ATP8A1: variants seen among roughly 807,000 people sequenced by gnomAD.
ATP8A1 encodes phospholipid-transporting ATPase IA.
A neutral mutation model predicts 177.7 loss-of-function variants in ATP8A1; 90 were observed. The ratio of observed to expected loss-of-function variants is 0.51; its 90% CI spans 0.43 to 0.60. The LOEUF is 0.60. Ranked by LOEUF, ATP8A1 falls within the 20% of genes least tolerant of loss-of-function variation. The pLI, the probability that ATP8A1 is intolerant of heterozygous loss-of-function variation, is 0.00. For missense variants in ATP8A1, 1,072 were observed against 1,392.8 expected (o/e 0.77, Z 3.67); for synonymous variants, 493 against 485.9 (o/e 1.01, Z -0.19).
At chr4:42,459,731 A>G (rs1383245776) in intron 27 of ATP8A1, among the ~76,000 whole-genome samples, 1 of 152,190 alleles carries the variant, frequency 6.6e-6, no homozygotes, top group African/African-American at 2.4e-5. Flanking sequence ...GTAATGAACG[A>G]GTAAGTTCAT....
chr4:42,437,050 T>G (rs1170898011), intron 33 of ATP8A1, among the ~76,000 whole-genome samples: 1 of 152,214 alleles, frequency 6.6e-6, no homozygotes, highest in Non-Finnish European at 1.5e-5. Flanking sequence ...GTAAAACACA[T>G]GCTCGTTCCT....
At chr4:42,636,605 CA>C (rs1253445885) in intron 1 of ATP8A1, among the ~76,000 whole-genome samples, 2 of 152,102 alleles carry the variant, frequency 1.3e-5, no homozygotes, top group Non-Finnish European at 2.9e-5. Flanking sequence ...CAACAGTAGC[CA>C]GAGGAAAAAT....
intron 1 of ATP8A1, among the ~76,000 whole-genome samples, chr4:42,642,571 G>A (rs1740112482): frequency 6.6e-6 from 1 of 152,158 alleles, no homozygotes. Context: ...CCAGCACATT[G>A]CTCAGTGACA....
intron 25 of ATP8A1, among the ~76,000 whole-genome samples, chr4:42,467,160 A>G (rs541504808): frequency 1.5e-3 from 227 of 152,310 alleles, no homozygotes; most frequent in Non-Finnish European, 2.4e-3. Context: ...AGTTTTCTTC[A>G]TGGTGATCAC....
intron 30 of ATP8A1, among the ~76,000 whole-genome samples, chr4:42,448,414 T>TTTTTTTTTTTTTTTTTTTTTTTTG (rs1560335393): frequency 7.0e-6 from 1 of 142,640 alleles, no homozygotes; most frequent in African/African-American, 2.6e-5. Flanking sequence ...TTTTTTTTTT[T>TTTTTTTTTTTTTTTTTTTTTTTTG]TGAGATGGAG....
In ATP8A1 at chr4:42,472,747, CAA is replaced by C. The variant is rs11315234; in HGVS notation, c.2325-7673_2325-7672del. On this transcript the variant is annotated intron_variant, in intron 25 of 36. Coordinates refer to ENST00000381668, the MANE Select transcript of ATP8A1 (RefSeq NM_006095.2). ...CTCAGGTGACAGTGCGAGACTGTCT[CAA>C]AAAAAAAAAAAAAAAGAGAGAAAAA... Among the ~76,000 whole-genome samples the C allele has an allele frequency of 5.2e-3, 579 of 110,994 alleles. 10 individuals are homozygous for C. The East Asian group carries it at 0.085, about 16-fold the overall frequency. The allele number at this position is 110,994 out of a possible 152,430, so 72.8% of individuals were successfully genotyped here. A position where few individuals can be genotyped will look rare whatever the true frequency, so the allele number is the denominator to read the frequency against.
chr4:42,435,450 C>CAAAAAAAAAAAAAAAAAAAAAAAAAAAAA (rs11306070), intron 33 of ATP8A1, among the ~76,000 whole-genome samples: 1 of 116,970 alleles, frequency 8.5e-6, no homozygotes, highest in African/African-American at 3.3e-5. Flanking sequence ...AAAAAAAAAA[C>CAAAAAAAAAAAAAAAAAAAAAAAAAAAAA]AAAAAAAAAA....
At chr4:42,642,080 A>G (rs1432759002) in intron 1 of ATP8A1, among the ~76,000 whole-genome samples, 1 of 152,176 alleles carries the variant, frequency 6.6e-6, no homozygotes, top group Non-Finnish European at 1.5e-5. Context: ...TAGGGACATC[A>G]GTATAGCACA....
Position 42,590,898 on chromosome 4 carries a change from T to G in ATP8A1, c.451-14A>C. ...CCCTACTGCCACCTACACGTCCCAG[T>G]ATAAAATAATTAAAATGGCCAAAAA... On this transcript the variant is annotated splice_polypyrimidine_tract_variant and intron_variant, in intron 6 of 36. Transcript: ENST00000381668. The G allele has an allele frequency of 1.3e-6, 2 of 1,558,912 alleles. No individual in the cohort carries two copies. The highest frequency in any genetic ancestry group is 1.7e-6 in the Non-Finnish European group (2 of 1,158,808).
At chr4:42,526,670 G>A (rs755622746) in intron 20 of ATP8A1, among the ~76,000 whole-genome samples, 10 of 152,060 alleles carry the variant, frequency 6.6e-5, no homozygotes, top group Non-Finnish European at 1.5e-4. Context: ...CCTATTGTGG[G>A]ACCTTGTGAT....
At chr4:42,529,732 G>A (rs1006608346) in intron 20 of ATP8A1, among the ~76,000 whole-genome samples, 17 of 152,192 alleles carry the variant, frequency 1.1e-4, no homozygotes, top group Non-Finnish European at 2.4e-4. Context: ...AAAGTAGACA[G>A]CTGAAGCACG....
chr4:42,422,096 A>G (rs909840973), intron 35 of ATP8A1, among the ~76,000 whole-genome samples: 4 of 150,990 alleles, frequency 2.6e-5, no homozygotes, highest in African/African-American at 9.7e-5. Flanking sequence ...ATTACATACT[A>G]TTTTTTTTTC....
At chr4:42,641,010 G>GAA (rs10609874) in intron 1 of ATP8A1, among the ~76,000 whole-genome samples, 5 of 123,432 alleles carry the variant, frequency 4.1e-5, no homozygotes, top group Admixed American at 9.0e-5. Context: ...CCCCTCACCA[G>GAA]AAAAAAAAAA....
At chr4:42,460,651 T>C (rs1277197295) in intron 27 of ATP8A1, among the ~76,000 whole-genome samples, 2 of 152,216 alleles carry the variant, frequency 1.3e-5, no homozygotes, top group Non-Finnish European at 2.9e-5. Context: ...CCTCCCAAAG[T>C]GCTGGGATTA....
intron 1 of ATP8A1, among the ~76,000 whole-genome samples, chr4:42,636,148 A>ACGCGCGTGCG (rs767029159): frequency 2.8e-4 from 9 of 31,824 alleles, no homozygotes; most frequent in South Asian, 1.3e-3. Context: ...ACACACACAC[A>ACGCGCGTGCG]CACACACACG....
chr4:42,519,825 G>A (rs1033807939), intron 22 of ATP8A1, among the ~76,000 whole-genome samples: 15 of 151,986 alleles, frequency 9.9e-5, no homozygotes, highest in South Asian at 2.1e-4. Context: ...ATAAATTCCC[G>A]TTTTCATTTA....
intron 1 of ATP8A1, 151 bp downstream of exon 1, chr4:42,656,674 G>A (rs1741660759): frequency 2.4e-6 from 2 of 843,736 alleles, no homozygotes; most frequent in Admixed American, 3.3e-5. Flanking sequence ...GGGGCAGCGC[G>A]GGGGGAAGGG....
rs1219276405 is a variant in ATP8A1, at chr4:42,503,519, A to C, written c.2087-5T>G. On this transcript the variant is annotated splice_polypyrimidine_tract_variant and splice_region_variant and intron_variant, in intron 23 of 36. Coordinates refer to ENST00000381668, the MANE Select transcript of ATP8A1 (RefSeq NM_006095.2). ...TCAACAGTTTGCAGGAGTGTCCTGT[A>C]TCCAAACACAGAGTATATTAAAATT... 6.3e-7 allele frequency: 1 copy of C among 1,580,444 alleles called. No homozygotes were observed. The highest frequency in any genetic ancestry group is 1.7e-5 in the Admixed American group (1 of 58,064).
In ATP8A1 at chr4:42,526,495, G is replaced by C. The variant is rs530895476; in HGVS notation, c.1723-1648C>G. Among the ~76,000 whole-genome samples the C allele has an allele frequency of 2.0e-5, 3 of 152,274 alleles. No homozygotes were observed. In the East Asian group the frequency reaches 5.8e-4, roughly 29 times the overall value. ...CCTTAATCTGGGTGGGCACAATCTA[G>C]TCAGCTGCCTGCGAATATAAAGCAG... is the stretch of plus-strand genomic sequence containing the variant. On this transcript the variant is annotated intron_variant, in intron 20 of 36. Coordinates refer to ENST00000381668, the MANE Select transcript of ATP8A1 (RefSeq NM_006095.2).
Sources: gnomAD v4.1 joint callset for allele counts (sites outside exome capture counted in the v4.1 genomes callset) on GRCh38, gnomAD v4.1.1 for gene constraint, MANE v1.5 for transcripts, NCBI Gene and HGNC (gene_info 2026-07-23, HGNC 2026-07-21) for gene names.